CRAMP1: variants seen among roughly 807,000 people sequenced by gnomAD.
CRAMP1 encodes protein cramped-like.
A neutral mutation model predicts 115.4 loss-of-function variants in CRAMP1; 50 were observed. The ratio of observed to expected loss-of-function variants is 0.43; its 90% CI spans 0.35 to 0.55. CRAMP1 has a LOEUF of 0.55. CRAMP1 is among the 20% of genes least tolerant of loss of function. The pLI is 0.01. For missense variants in CRAMP1, 1,679 were observed against 1,721.7 expected (o/e 0.98, Z 0.44); for synonymous variants, 866 against 745.4 (o/e 1.16, Z -2.64).
At chr16:1,670,932 A>G (rs1312818161) in intron 20 of CRAMP1, 123 bp downstream of exon 20, 3 of 877,002 alleles carry the variant, frequency 3.4e-6, no homozygotes, top group Middle Eastern at 3.4e-4. Flanking sequence ...AACAGGAGAC[A>G]GCACGTCCAC....
chr16:1,622,129 T>C (rs1009426323), intron 2 of CRAMP1, among the ~76,000 whole-genome samples: 4 of 152,236 alleles, frequency 2.6e-5, no homozygotes, highest in Admixed American at 2.6e-4. Context: ...GGTCAAGCAG[T>C]GAAGCCACTT....
chr16:1,656,277 A>T lies in CRAMP1; in HGVS notation c.1520A>T (p.Asp507Val). 1 of 1,611,734 alleles carries T rather than the reference A, an allele frequency of 6.2e-7. No individual in the cohort carries two copies. The highest frequency in any genetic ancestry group is 8.5e-7 in the Non-Finnish European group (1 of 1,179,724). The change falls in exon 10 of 21, where the codon GAC becomes GTC. Residue 507 changes from aspartate (D) to valine (V), a missense_variant. Asp to Val is a radical substitution (Grantham distance 152). Coordinates refer to ENST00000397412, the MANE Select transcript of CRAMP1 (RefSeq NM_020825.4). The surrounding 1 kb of genome is among the most constrained non-coding windows in gnomAD (Gnocchi z 5.6). ...EGAALSLSSP[D>V]APDRPPPRHQ... The stretch of plus-strand genomic sequence containing the variant: ...GCTGCCCTAAGCTTGAGCAGCCCGG[A>T]CGCTCCTGACAGGCCTCCTCCCAGG...
chr16:1,617,426 A>G (rs563033150), intron 2 of CRAMP1, among the ~76,000 whole-genome samples: 1 of 152,370 alleles, frequency 6.6e-6, no homozygotes, highest in East Asian at 1.9e-4. Context: ...GCCCCGCAAC[A>G]GTCTTTAGCT....
intron 6 of CRAMP1, among the ~76,000 whole-genome samples, chr16:1,651,667 A>G (rs2142194664): frequency 6.9e-6 from 1 of 145,092 alleles, no homozygotes; most frequent in African/African-American, 2.6e-5. Context: ...GAGGTAACCT[A>G]GAGGTGGACT....
At chr16:1,667,770 C>G (rs2036888594) in intron 17 of CRAMP1, among the ~76,000 whole-genome samples, 192 bp from the exon 18 acceptor site, 2 of 152,204 alleles carry the variant, frequency 1.3e-5, no homozygotes, top group Admixed American at 1.3e-4. Flanking sequence ...GACTTTCTGA[C>G]TCTGCCATAG....
At chr16:1,641,930 G>A (rs538293801) in intron 6 of CRAMP1, among the ~76,000 whole-genome samples, 7 of 152,272 alleles carry the variant, frequency 4.6e-5, no homozygotes, top group South Asian at 2.1e-4. Context: ...CACAGCCTGG[G>A]GGTTCCCAGT....
intron 8 of CRAMP1, 139 bp from the exon 9 acceptor site, chr16:1,655,080 A>G (rs3743511): frequency 0.14 from 97,076 of 683,138 alleles, 9,011 homozygotes; most frequent in African/African-American, 0.33. Flanking sequence ...AGGGCCCTGC[A>G]GACGCCCGCT....
rs938559323 is a variant in CRAMP1, at chr16:1,675,524, T to G, written c.*1479T>G. 6.5e-6 allele frequency: 1 copy of G among 152,698 alleles called. No individual in the cohort carries two copies. The highest frequency in any genetic ancestry group is 1.5e-5 in the Non-Finnish European group (1 of 68,274). 9.5% of individuals were successfully genotyped at this position (152,698 alleles called of 1,614,324 possible). On this transcript the variant is annotated 3_prime_UTR_variant, in exon 21 of 21. Transcript: ENST00000397412. Reference sequence around the variant, plus strand: ...GGCCAGCCCTGGCCCCTCCACTGCTTCTCTCCCCATCCACAATGGAGAAGG... The same window carrying G: ...GGCCAGCCCTGGCCCCTCCACTGCTGCTCTCCCCATCCACAATGGAGAAGG...
chr16:1,667,646 T>G (rs74802773), intron 17 of CRAMP1, among the ~76,000 whole-genome samples: 1 of 145,862 alleles, frequency 6.9e-6, no homozygotes, highest in Non-Finnish European at 1.5e-5. Flanking sequence ...TGGAAGAACT[T>G]AGCGCTCTGG....
chr16:1,652,371 G>A (rs950451199), intron 6 of CRAMP1, 125 bp from the exon 7 acceptor site: 12 of 737,028 alleles, frequency 1.6e-5, no homozygotes, highest in African/African-American at 5.4e-5. Flanking sequence ...ACGCGGGCTC[G>A]AGAGGCTGGG....
Position 1,633,411 on chromosome 16 carries a change from G to A in CRAMP1, c.694+1046G>A, listed in dbSNP as rs187030641. 4.6e-5 allele frequency among the ~76,000 whole-genome samples: 7 copies of A among 152,384 alleles called. No individual in the cohort carries two copies. The East Asian group carries it at 9.6e-4, about 21-fold the overall frequency. On this transcript the variant is annotated intron_variant, in intron 4 of 20. Coordinates refer to ENST00000397412, the MANE Select transcript of CRAMP1 (RefSeq NM_020825.4). ...ACCGTTTCTGGAGATCCATGGAAACGGCTGTTGGTCTCTGCACATTAGGGG... is the reference window on the plus strand; with the variant it reads ...ACCGTTTCTGGAGATCCATGGAAACAGCTGTTGGTCTCTGCACATTAGGGG...
rs548075473 is a variant in CRAMP1 at position 1,656,598 on chromosome 16, G to A, written c.1841G>A (p.Gly614Asp). The change falls in exon 10 of 21, where the codon GGC becomes GAC. Residue 614 changes from glycine (G) to aspartate (D), a missense_variant. Around this residue, in one of 8 missense-constraint regions of CRAMP1, gnomAD observed 405 missense variants for 302.6 expected, o/e 1.34. Transcript: ENST00000397412. This position sits in a 1 kb window ranked among gnomAD's most constrained non-coding sequence, Gnocchi z 5.6. ...SKEAADLAPT[G>D]PSPRPGPGLL... Reference sequence around the variant, plus strand: ...GAGGCTGCTGACCTTGCTCCCACTGGCCCATCCCCGAGGCCCGGCCCCGGG... The same window carrying A: ...GAGGCTGCTGACCTTGCTCCCACTGACCCATCCCCGAGGCCCGGCCCCGGG... 1.1e-4 allele frequency: 176 copies of A among 1,570,248 alleles called. No individual in the cohort carries two copies. The highest frequency in any genetic ancestry group is 1.5e-4 in the Non-Finnish European group (170 of 1,158,626).
At chr16:1,670,613 G>T (rs1361372573) in intron 19 of CRAMP1, 51 bp from the exon 20 acceptor site, 2 of 1,604,254 alleles carry the variant, frequency 1.2e-6, no homozygotes, top group African/African-American at 2.7e-5. Context: ...CGCTGGACTG[G>T]TCCAGACCAA....
At chr16:1,640,920 G>A (rs551199110) in intron 5 of CRAMP1, among the ~76,000 whole-genome samples, 9 of 152,300 alleles carry the variant, frequency 5.9e-5, no homozygotes, top group East Asian at 1.9e-4. Flanking sequence ...AGGCAGGGGC[G>A]TGCCAGGCTT....
intron 2 of CRAMP1, among the ~76,000 whole-genome samples, chr16:1,624,523 G>T (rs1486058265): frequency 6.6e-6 from 1 of 150,450 alleles, no homozygotes; most frequent in African/African-American, 2.5e-5. Context: ...AAGCAATTCA[G>T]TTCTCCTGCC....
Position 1,646,237 on chromosome 16 carries a change from C to A in CRAMP1, c.827+5050C>A, listed in dbSNP as rs189424980. Among the ~76,000 whole-genome samples, 3 of 152,286 alleles carry A rather than the reference C, an allele frequency of 2.0e-5. No homozygotes were observed. The East Asian group carries it at 5.8e-4, about 29-fold the overall frequency. On this transcript the variant is annotated intron_variant, in intron 6 of 20. Transcript: ENST00000397412. ...ATGAAGAAGTGCCCAGGCTTTGCCT[C>A]CAGGTTTTTGTGTGAGCGTGGTTTT...
At position 1,669,190 on chromosome 16, in the gene CRAMP1, T is replaced by C. The variant is rs1463201738; in HGVS notation, c.3499+25T>C. The C allele has an allele frequency of 6.5e-7, 1 of 1,536,720 alleles. No individual in the cohort carries two copies. Among genetic ancestry groups the C allele is most frequent in the East Asian group, 2.4e-5 (1 of 41,700 alleles). ...GGTGAGTGTATGGGGAGGGCTCCCA[T>C]CTCCTTTTCCAGGGCAGCAGGGGCT... On this transcript the variant is annotated intron_variant, in intron 19 of 20. Transcript: ENST00000397412. This position sits in a 1 kb window ranked among gnomAD's most constrained non-coding sequence, Gnocchi z 4.6.
At chr16:1,620,725 G>A (rs1470339763) in intron 2 of CRAMP1, 1 of 455,378 alleles carries the variant, frequency 2.2e-6, no homozygotes, top group Non-Finnish European at 4.4e-6. Context: ...TTCCCAGGCT[G>A]AGGGAGGGAC....
At chr16:1,626,282 AC>A (rs2036507578) in intron 3 of CRAMP1, 116 bp downstream of exon 3, 3 of 1,015,486 alleles carry the variant, frequency 3.0e-6, no homozygotes, top group Non-Finnish European at 1.4e-6. Context: ...TTCCTGGGCG[AC>A]CCCCGCAGTG....
Sources: gnomAD v4.1 joint callset for allele counts (sites outside exome capture counted in the v4.1 genomes callset) on GRCh38, gnomAD v4.1.1 for gene constraint, gnomAD v4.1.1 regional missense constraint, Gnocchi (gnomAD v3.1) non-coding constraint, MANE v1.5 for transcripts, NCBI Gene and HGNC (gene_info 2026-07-23, HGNC 2026-07-21) for gene names.